PLSCR1: variants seen among roughly 807,000 people sequenced by gnomAD.
PLSCR1 encodes the protein PL scramblase 1.
Under a neutral mutation model 37.8 loss-of-function variants are expected in PLSCR1, and 17 were observed. The ratio of observed to expected loss-of-function variants is 0.45; its 90% CI spans 0.31 to 0.68. The LOEUF is 0.68. PLSCR1 is among the 30% of genes least tolerant of loss of function. The probability of loss-of-function intolerance (pLI) is 0.06; values close to 1 mark genes in which losing one functional copy is unlikely to be tolerated. For missense variants in PLSCR1, 347 were observed against 380.9 expected, an observed-to-expected ratio of 0.91 and a Z score of 0.74; for synonymous variants, 116 against 125.9, an observed-to-expected ratio of 0.92 and a Z score of 0.53.
Position 146,526,851 on chromosome 3 carries a change from G to A in PLSCR1, c.313-1204C>T, listed in dbSNP as rs529810864. ...TAAAAAAATTGATTTCTTAGAAGTA[G>A]AGAGTAGAGGCCAGGCGCAGTGGTT... On this transcript the variant is annotated intron_variant, in intron 4 of 8. Transcript: ENST00000342435. 4.2e-4 allele frequency among the ~76,000 whole-genome samples: 64 copies of A among 152,278 alleles called. 1 individual carries two copies. The highest frequency in any genetic ancestry group is 6.8e-4 in the Non-Finnish European group (46 of 68,010).
At chr3:146,543,981 C>G (rs2044370939) in intron 1 of PLSCR1, among the ~76,000 whole-genome samples, 1 of 151,600 alleles carries the variant, frequency 6.6e-6, no homozygotes, top group African/African-American at 2.4e-5. Flanking sequence ...TGGGCTCCGG[C>G]GGACTTCATT....
intron 1 of PLSCR1, among the ~76,000 whole-genome samples, chr3:146,539,032 G>A (rs559232470): frequency 3.9e-5 from 6 of 152,200 alleles, no homozygotes; most frequent in Admixed American, 2.0e-4. Flanking sequence ...TGATTCAAGC[G>A]CATTACATTT....
chr3:146,521,360 C>G (rs562275617), intron 7 of PLSCR1, among the ~76,000 whole-genome samples, 184 bp downstream of exon 7: 5 of 152,202 alleles, frequency 3.3e-5, no homozygotes, highest in African/African-American at 1.2e-4. Flanking sequence ...TTTCTCATGA[C>G]CAACAGTGAC....
Position 146,523,509 on chromosome 3 carries a change from G to C in PLSCR1, c.356-1456C>G, listed in dbSNP as rs576152370. 2.1e-4 allele frequency among the ~76,000 whole-genome samples: 32 copies of C among 152,264 alleles called. No individual in the cohort carries two copies. In the South Asian group the frequency reaches 6.6e-3, roughly 32 times the overall value. On this transcript the variant is annotated intron_variant, in intron 5 of 8. Coordinates refer to ENST00000342435, the MANE Select transcript of PLSCR1 (RefSeq NM_021105.3). ...TGTCTTATTTTTTTGCAATGCTTTT[G>C]AAAGAAGGCAATGTACACGCATAAA...
At chr3:146,527,109 C>A (rs1001431513) in intron 4 of PLSCR1, among the ~76,000 whole-genome samples, 1 of 151,954 alleles carries the variant, frequency 6.6e-6, no homozygotes, top group African/African-American at 2.4e-5. Context: ...TGCACTCCAG[C>A]CTGGGTGACA....
intron 4 of PLSCR1, among the ~76,000 whole-genome samples, chr3:146,525,956 G>A (rs111565990): frequency 0.091 from 13,794 of 151,626 alleles, 1,006 homozygotes; most frequent in African/African-American, 0.2. Flanking sequence ...GGCCAAAGTG[G>A]GCAGATCACG....
At chr3:146,529,790 G>C (rs2044171291) in intron 3 of PLSCR1, among the ~76,000 whole-genome samples, 1 of 152,154 alleles carries the variant, frequency 6.6e-6, no homozygotes, top group African/African-American at 2.4e-5. Flanking sequence ...TGGGATTACA[G>C]GCGTGAGCCA....
In PLSCR1 at chr3:146,521,155, C is replaced by T. The variant is rs573108657; in HGVS notation, c.738+389G>A. Among the ~76,000 whole-genome samples, 13 of 152,176 alleles carry T rather than the reference C, an allele frequency of 8.5e-5. No individual in the cohort carries two copies. In the South Asian group the frequency reaches 2.3e-3, roughly 27 times the overall value. ...AAGATGTCAGACATTCTGAACATGGCCTTGAGCATTGGCAGATGATATTTC... is the reference window on the plus strand; with the variant it reads ...AAGATGTCAGACATTCTGAACATGGTCTTGAGCATTGGCAGATGATATTTC... On this transcript the variant is annotated intron_variant, in intron 7 of 8. Coordinates refer to ENST00000342435, the MANE Select transcript of PLSCR1 (RefSeq NM_021105.3).
intron 2 of PLSCR1, among the ~76,000 whole-genome samples, chr3:146,533,832 A>G (rs1448361030): frequency 6.6e-6 from 1 of 152,214 alleles, no homozygotes; most frequent in African/African-American, 2.4e-5. Context: ...GTTCAGTTCC[A>G]TGTTTTGTTG....
chr3:146,516,148 G>A, intron 8 of PLSCR1, 47 bp from the exon 9 acceptor site: 1 of 1,190,698 alleles, frequency 8.4e-7, no homozygotes, highest in East Asian at 2.4e-5. Flanking sequence ...CAACAAAACA[G>A]AGATCAATTA....
chr3:146,526,414 T>A (rs948816932), intron 4 of PLSCR1, among the ~76,000 whole-genome samples: 1 of 151,990 alleles, frequency 6.6e-6, no homozygotes, highest in East Asian at 1.9e-4. Context: ...GGAAAGTAAA[T>A]TAGAGCAGCC....
intron 4 of PLSCR1, 59 bp from the exon 5 acceptor site, chr3:146,525,706 A>G (rs1685548552): frequency 2.7e-6 from 2 of 749,376 alleles, no homozygotes; most frequent in African/African-American, 1.8e-5. Flanking sequence ...TTTATAAGCT[A>G]ACCAAATTAA....
intron 5 of PLSCR1, 95 bp downstream of exon 5, chr3:146,525,510 T>G: frequency 1.4e-6 from 1 of 713,206 alleles, no homozygotes; most frequent in Non-Finnish European, 2.5e-6. Context: ...CTGTCCTATA[T>G]AAGTGAGAGT....
At chr3:146,543,582 G>T (rs1186102212) in intron 1 of PLSCR1, among the ~76,000 whole-genome samples, 1 of 152,178 alleles carries the variant, frequency 6.6e-6, no homozygotes, top group Non-Finnish European at 1.5e-5. Flanking sequence ...CCTGGAACTG[G>T]GAAGTGGCCA....
At chr3:146,540,169 T>C (rs2044320619) in intron 1 of PLSCR1, among the ~76,000 whole-genome samples, 1 of 152,230 alleles carries the variant, frequency 6.6e-6, no homozygotes, top group African/African-American at 2.4e-5. Context: ...AAAAATGTAA[T>C]AAAGTTATGT....
chr3:146,521,644 C>T lies in PLSCR1; in HGVS notation c.638G>A (p.Cys213Tyr), dbSNP rs781333741. The T allele has an allele frequency of 1.2e-5, 20 of 1,613,670 alleles. No homozygotes were observed. The South Asian group carries it at 2.2e-4, about 18-fold the overall frequency. Residue 213 changes from cysteine (C) to tyrosine (Y), a missense_variant, in exon 7 of 9, where the codon TGT becomes TAT. Transcript: ENST00000342435. ...IGYVIQTWHP[C>Y]LPKFTIQNEK... is the part of the protein sequence containing the mutation. ...ATTTTGAATTGTAAACTTTGGTAGA[C>T]ATGGGTGCCAAGTCTGAATAACATA...
intron 1 of PLSCR1, 83 bp from the exon 2 acceptor site, chr3:146,536,648 TAC>T: frequency 6.2e-6 from 5 of 800,908 alleles, no homozygotes; most frequent in Non-Finnish European, 8.8e-6. Context: ...ACTCTAAAAC[TAC>T]ACAGTCACAT....
chr3:146,526,665 T>C (rs746505570), intron 4 of PLSCR1, among the ~76,000 whole-genome samples: 5 of 152,062 alleles, frequency 3.3e-5, no homozygotes, highest in African/African-American at 4.8e-5. Context: ...TAAAGAAAAA[T>C]TCATTCTTAA....
chr3:146,540,213 A>G (rs2587015), intron 1 of PLSCR1, among the ~76,000 whole-genome samples: 41,237 of 152,130 alleles, frequency 0.27, 5,808 homozygotes, highest in African/African-American at 0.32. Flanking sequence ...TAATTACTCC[A>G]GTATGAACAC....
Sources: gnomAD v4.1 joint callset for allele counts (sites outside exome capture counted in the v4.1 genomes callset) on GRCh38, gnomAD v4.1.1 for gene constraint, MANE v1.5 for transcripts, NCBI Gene and HGNC (gene_info 2026-07-23, HGNC 2026-07-21) for gene names.